Variants in CSMD1 observed in about 807,000 individuals in gnomAD.
CSMD1 encodes CUB and Sushi multiple domains 1, also known as CUB and sushi domain-containing protein 1.
A neutral mutation model predicts 417.5 loss-of-function variants in CSMD1; 213 were observed. The observed-to-expected ratio is 0.51, with a 90% CI of 0.46 to 0.57. CSMD1 has a LOEUF of 0.57. Among genes scored for constraint, CSMD1 ranks in the 20% least tolerant of loss-of-function variants. The pLI is 0.00. For synonymous variants in CSMD1, 2,862 were observed against 1,736.8 expected, an observed-to-expected ratio of 1.65 and a Z score of -16.11; for missense variants, 6,923 against 4,529.7, an observed-to-expected ratio of 1.53 and a Z score of -15.17.
intron 1 of CSMD1, among the ~76,000 whole-genome samples, chr8:4,768,772 T>G (rs1796451937): frequency 6.6e-6 from 1 of 152,122 alleles, no homozygotes; most frequent in South Asian, 2.1e-4. Flanking sequence ...GTTTACAGTA[T>G]AGGCACATCT....
chr8:3,220,629 G>A (rs963798494), intron 28 of CSMD1, among the ~76,000 whole-genome samples: 13 of 152,184 alleles, frequency 8.5e-5, no homozygotes, highest in South Asian at 2.1e-4. Context: ...TCAGGAGTTC[G>A]AGAACAGCCT....
intron 37 of CSMD1, among the ~76,000 whole-genome samples, chr8:3,168,421 G>C (rs1001390992): frequency 1.3e-5 from 2 of 152,094 alleles, no homozygotes; most frequent in African/African-American, 2.4e-5. Context: ...CGTTATTTTT[G>C]TTAACTCTTA....
chr8:4,809,719 C>T (rs1327283704), intron 1 of CSMD1, among the ~76,000 whole-genome samples: 1 of 152,196 alleles, frequency 6.6e-6, no homozygotes, highest in African/African-American at 2.4e-5. Flanking sequence ...TCCAAAACAT[C>T]TGTCATTTCA....
At chr8:4,659,767 C>G (rs1007770952) in intron 1 of CSMD1, among the ~76,000 whole-genome samples, 1 of 152,032 alleles carries the variant, frequency 6.6e-6, no homozygotes, top group South Asian at 2.1e-4. Context: ...GGATTTGTTC[C>G]TGAGAATGCT....
At chr8:3,630,524 C>G (rs55844953) in intron 7 of CSMD1, among the ~76,000 whole-genome samples, 11 of 152,162 alleles carry the variant, frequency 7.2e-5, no homozygotes, top group Non-Finnish European at 1.3e-4. Context: ...AGTTCATCGT[C>G]GCTACTCCTA....
At chr8:4,268,617 T>C (rs7004953) in intron 3 of CSMD1, among the ~76,000 whole-genome samples, 1,708 of 152,280 alleles carry the variant, frequency 0.011, 36 homozygotes, top group African/African-American at 0.04. Flanking sequence ...GCTATGGGAT[T>C]ACAGTCAAGT....
intron 1 of CSMD1, among the ~76,000 whole-genome samples, chr8:4,932,630 G>A (rs1184361676): frequency 1.3e-5 from 2 of 152,188 alleles, no homozygotes; most frequent in Non-Finnish European, 2.9e-5. Flanking sequence ...AAGTTGACGT[G>A]TTTCTATGCA....
intron 3 of CSMD1, among the ~76,000 whole-genome samples, chr8:4,237,541 T>G (rs1024954040): frequency 2.0e-5 from 3 of 151,930 alleles, no homozygotes; most frequent in Admixed American, 6.6e-5. Context: ...CTACTTTTTT[T>G]TTTTTGTTTT....
At chr8:3,276,172 G>T (rs1268941054) in intron 26 of CSMD1, among the ~76,000 whole-genome samples, 1 of 152,136 alleles carries the variant, frequency 6.6e-6, no homozygotes, top group Non-Finnish European at 1.5e-5. Context: ...ATGCAGGTCT[G>T]TTGGAGTACT....
intron 60 of CSMD1, 33 bp from the exon 61 acceptor site, chr8:2,962,672 CA>C: frequency 6.2e-7 from 1 of 1,601,860 alleles, no homozygotes; most frequent in Admixed American, 1.7e-5. Context: ...AGTCAGCCTT[CA>C]ACGTCCCTGG....
At chr8:3,135,078 C>T (rs372076607) in intron 41 of CSMD1, among the ~76,000 whole-genome samples, 219 of 152,232 alleles carry the variant, frequency 1.4e-3, no homozygotes, top group African/African-American at 5.0e-3. Context: ...TGTCCAACAC[C>T]ACGCCCAGCT....
intron 6 of CSMD1, among the ~76,000 whole-genome samples, chr8:3,732,604 C>T (rs186630186): frequency 6.6e-6 from 1 of 152,328 alleles, no homozygotes; most frequent in East Asian, 1.9e-4. Flanking sequence ...AGCTGCATTT[C>T]AGCAACCCTT....
chr8:4,388,233 G>A (rs1430818984), intron 3 of CSMD1, among the ~76,000 whole-genome samples: 4 of 151,506 alleles, frequency 2.6e-5, no homozygotes, highest in Admixed American at 6.6e-5. Flanking sequence ...TGTTTACAGT[G>A]GAATTCACAA....
In CSMD1 at chr8:4,282,660, G is replaced by C. The variant is rs1796852613; in HGVS notation, c.415+137293C>G. Among the ~76,000 whole-genome samples the C allele has an allele frequency of 2.0e-5, 3 of 152,218 alleles. 1 individual carries two copies. In the South Asian group the frequency reaches 6.2e-4, roughly 32 times the overall value. On this transcript the variant is annotated intron_variant, in intron 3 of 69. Coordinates refer to ENST00000635120, the MANE Select transcript of CSMD1 (RefSeq NM_033225.6). Reference sequence around the variant, plus strand: ...TTCACCTTTTCAGTTTTATTTATTTGAATACCAGTTAGGAACTGAGTTGGC... The same window carrying C: ...TTCACCTTTTCAGTTTTATTTATTTCAATACCAGTTAGGAACTGAGTTGGC...
At chr8:3,433,551 T>A (rs1219570080) in intron 12 of CSMD1, among the ~76,000 whole-genome samples, 2 of 152,128 alleles carry the variant, frequency 1.3e-5, no homozygotes, top group African/African-American at 2.4e-5. Context: ...TTTCGGACAG[T>A]CTAAATTATT....
intron 3 of CSMD1, among the ~76,000 whole-genome samples, chr8:4,070,469 C>T (rs537593097): frequency 5.5e-4 from 84 of 152,220 alleles, no homozygotes; most frequent in African/African-American, 1.7e-3. Flanking sequence ...ACCATTCTCC[C>T]ACCTCAGCCT....
intron 3 of CSMD1, among the ~76,000 whole-genome samples, chr8:4,355,156 G>C (rs1801345725): frequency 6.6e-6 from 1 of 151,968 alleles, no homozygotes; most frequent in African/African-American, 2.4e-5. Context: ...CAGCTACTCA[G>C]GAGGCTGAGG....
At chr8:3,285,559 GTAT>G (rs1803085308) in intron 25 of CSMD1, among the ~76,000 whole-genome samples, 1 of 151,608 alleles carries the variant, frequency 6.6e-6, no homozygotes, top group African/African-American at 2.4e-5. Context: ...GTTATTATTA[GTAT>G]TATTATTTGT....
chr8:4,536,943 TG>T (rs1797132587), intron 2 of CSMD1, among the ~76,000 whole-genome samples: 1 of 152,192 alleles, frequency 6.6e-6, no homozygotes, highest in South Asian at 2.1e-4. Context: ...TGTTACTTAT[TG>T]GAAAAATGAG....
Sources: allele counts gnomAD v4.1 joint callset (sites outside exome capture counted in the v4.1 genomes callset), GRCh38; gene constraint gnomAD v4.1.1; transcripts MANE v1.5; gene names NCBI Gene and HGNC (gene_info 2026-07-23, HGNC 2026-07-21).